The following PDZRN4 variants were observed in gnomAD, a reference collection of about 807,000 sequenced individuals.
PDZRN4 encodes the protein PDZ domain containing ring finger 4.
A neutral mutation model predicts 99.0 loss-of-function variants in PDZRN4; 70 were observed. The ratio of observed to expected loss-of-function variants is 0.71; its 90% CI spans 0.58 to 0.86. The LOEUF (loss-of-function observed/expected upper bound fraction) is 0.86, where lower values mean the gene tolerates loss of function less well. Among genes scored for constraint, PDZRN4 ranks in the 40% least tolerant of loss-of-function variants. The pLI is 0.00. For synonymous variants in PDZRN4, 551 were observed against 501.6 expected (o/e 1.10, Z -1.32); for missense variants, 1,474 against 1,331.2 (o/e 1.11, Z -1.67).
chr12:41,363,960 A>G (rs533734623), intron 3 of PDZRN4, among the ~76,000 whole-genome samples: 1 of 152,226 alleles, frequency 6.6e-6, no homozygotes, highest in Admixed American at 6.5e-5. Context: ...GAAAGAAAAT[A>G]ATGGCACTGG....
intron 5 of PDZRN4, among the ~76,000 whole-genome samples, chr12:41,529,084 C>G (rs1938617599): frequency 6.6e-6 from 1 of 152,152 alleles, no homozygotes. Context: ...TGCAGAATCT[C>G]CGCATTTTAG....
chr12:41,222,494 T>A (rs1475085860), intron 3 of PDZRN4, among the ~76,000 whole-genome samples: 1 of 152,044 alleles, frequency 6.6e-6, no homozygotes, highest in Non-Finnish European at 1.5e-5. Context: ...TGATAGAGTT[T>A]GTCTAAAATG....
In PDZRN4 at chr12:41,516,745, A is replaced by G. The variant is rs1215725330; in HGVS notation, c.1203+6832A>G. On this transcript the variant is annotated intron_variant, in intron 5 of 9. Coordinates refer to ENST00000402685, the MANE Select transcript of PDZRN4 (RefSeq NM_001164595.2). ...TCCTGGTTTGCCCTAAACAGTCTTG[A>G]TGTATGGCTCATTATGAATAGCAGC... 2.6e-5 allele frequency among the ~76,000 whole-genome samples: 4 copies of G among 151,390 alleles called. No homozygotes were observed. In the East Asian group the frequency reaches 5.9e-4, roughly 22 times the overall value.
chr12:41,292,526 A>AC lies in PDZRN4; in HGVS notation c.843+98344dup, dbSNP rs1205672582. ...CTTGATTTGATCCTTACATTTCAGG[A>AC]CCCCCCTTTGACTGGGTTTGTGCTT... On this transcript the variant is annotated intron_variant, in intron 3 of 9. Coordinates refer to ENST00000402685, the MANE Select transcript of PDZRN4 (RefSeq NM_001164595.2). Among the ~76,000 whole-genome samples, 3 of 151,762 alleles carry AC rather than the reference A, an allele frequency of 2.0e-5. No individual in the cohort carries two copies. The East Asian group carries it at 5.8e-4, about 29-fold the overall frequency.
At chr12:41,305,215 C>T (rs1249372394) in intron 3 of PDZRN4, among the ~76,000 whole-genome samples, 1 of 152,170 alleles carries the variant, frequency 6.6e-6, no homozygotes, top group Non-Finnish European at 1.5e-5. Context: ...TCACTCTTTT[C>T]CCTCCTGCTA....
chr12:41,348,767 A>G (rs1951871694), intron 3 of PDZRN4, among the ~76,000 whole-genome samples: 1 of 152,040 alleles, frequency 6.6e-6, no homozygotes, highest in African/African-American at 2.4e-5. Context: ...TTTTATATAC[A>G]AGAATGACAG....
chr12:41,359,738 G>A (rs1444364970), intron 3 of PDZRN4, among the ~76,000 whole-genome samples: 7 of 151,906 alleles, frequency 4.6e-5, no homozygotes, highest in Admixed American at 4.6e-4. Context: ...GTGGACCTGT[G>A]AATCAATTAA....
chr12:41,371,587 TAA>T (rs765570640), intron 3 of PDZRN4, among the ~76,000 whole-genome samples: 6 of 152,114 alleles, frequency 3.9e-5, no homozygotes, highest in Non-Finnish European at 8.8e-5. Context: ...CAACAACAAA[TAA>T]AAGAGTCTGT....
At chr12:41,208,999 T>G (rs1950868997) in intron 3 of PDZRN4, among the ~76,000 whole-genome samples, 1 of 151,998 alleles carries the variant, frequency 6.6e-6, no homozygotes, top group Non-Finnish European at 1.5e-5. Flanking sequence ...GTGCTTAACA[T>G]GGTTAATTTC....
rs376412411 is a variant in PDZRN4 at position 41,276,172 on chromosome 12, T to C, written c.843+81984T>C. Among the ~76,000 whole-genome samples, 271 of 152,274 alleles carry C rather than the reference T, an allele frequency of 1.8e-3. 4 individuals are homozygous for C. Among genetic ancestry groups the C allele is most frequent in the South Asian group, 7.7e-3 (37 of 4,824 alleles). ...AAGAAAGCTTACATATTACAATGGT[T>C]TGTGGCTCTCCAAAGAACTGCAGTA... On this transcript the variant is annotated intron_variant, in intron 3 of 9. Transcript: ENST00000402685.
intron 7 of PDZRN4, among the ~76,000 whole-genome samples, chr12:41,560,097 C>T (rs1398352742): frequency 1.3e-5 from 2 of 152,140 alleles, no homozygotes; most frequent in African/African-American, 4.8e-5. Flanking sequence ...TTATTTTCTT[C>T]CCTTTGGATA....
At chr12:41,424,251 G>A (rs906431492) in intron 3 of PDZRN4, among the ~76,000 whole-genome samples, 4 of 152,196 alleles carry the variant, frequency 2.6e-5, no homozygotes, top group South Asian at 2.1e-4. Flanking sequence ...TTTCTGAAAC[G>A]GACAGTGATT....
At chr12:41,436,787 AGTTTTTAAGTCTCT>A (rs1466719612) in intron 3 of PDZRN4, among the ~76,000 whole-genome samples, 1 of 152,236 alleles carries the variant, frequency 6.6e-6, no homozygotes, top group Non-Finnish European at 1.5e-5. Context: ...ATCTAAGCTT[AGTTTTTAAGTCTCT>A]GTTCACCTTT....
chr12:41,267,599 G>T (rs748849761), intron 3 of PDZRN4, among the ~76,000 whole-genome samples: 1 of 151,736 alleles, frequency 6.6e-6, no homozygotes, highest in African/African-American at 2.4e-5. Context: ...GGAGGCCAAG[G>T]CAGGTGGATC....
At chr12:41,535,573 A>G (rs965531309) in intron 5 of PDZRN4, among the ~76,000 whole-genome samples, 6 of 152,206 alleles carry the variant, frequency 3.9e-5, no homozygotes, top group African/African-American at 1.4e-4. Context: ...TCCCCCAAAA[A>G]GCATGTGTTG....
intron 3 of PDZRN4, among the ~76,000 whole-genome samples, chr12:41,478,634 G>A (rs1176637123): frequency 1.3e-5 from 2 of 152,130 alleles, no homozygotes; most frequent in Non-Finnish European, 2.9e-5. Flanking sequence ...ATTCTCTACA[G>A]TTTTATAAAA....
intron 3 of PDZRN4, among the ~76,000 whole-genome samples, chr12:41,431,412 C>G (rs1228103802): frequency 6.6e-6 from 1 of 152,136 alleles, no homozygotes; most frequent in East Asian, 1.9e-4. Context: ...CAATAGAGAT[C>G]AGGGAAACTG....
chr12:41,448,735 A>G (rs777874803), intron 3 of PDZRN4, among the ~76,000 whole-genome samples: 5 of 152,170 alleles, frequency 3.3e-5, no homozygotes, highest in Non-Finnish European at 7.3e-5. Flanking sequence ...CGAAAATGCC[A>G]CCTATTTTAA....
chr12:41,377,549 A>G (rs574983807), intron 3 of PDZRN4, among the ~76,000 whole-genome samples: 2 of 152,164 alleles, frequency 1.3e-5, no homozygotes, highest in Non-Finnish European at 2.9e-5. Flanking sequence ...CCTGTAGTCC[A>G]GCTACTCGGG....
Sources: gnomAD v4.1 joint callset for allele counts (sites outside exome capture counted in the v4.1 genomes callset) on GRCh38, gnomAD v4.1.1 for gene constraint, MANE v1.5 for transcripts, NCBI Gene and HGNC (gene_info 2026-07-23, HGNC 2026-07-21) for gene names.